Variants in PDE1A observed in about 807,000 individuals in gnomAD.
PDE1A encodes the protein dual specificity calcium/calmodulin-dependent 3',5'-cyclic nucleotide phosphodiesterase 1A.
In PDE1A, 35 loss-of-function variants were observed where a neutral mutation model predicts 61.7. That is an observed-to-expected ratio of 0.57 (90% CI 0.43 to 0.75). PDE1A has a LOEUF of 0.75. Among genes scored for constraint, PDE1A ranks in the 30% least tolerant of loss-of-function variants. PDE1A has a pLI of 0.00. For synonymous variants in PDE1A, 232 were observed against 213.2 expected, an observed-to-expected ratio of 1.09 and a Z score of -0.77; for missense variants, 597 against 630.6, an observed-to-expected ratio of 0.95 and a Z score of 0.57.
chr2:182,155,604 T>G (rs1291718347), intron 13 of PDE1A, among the ~76,000 whole-genome samples: 1 of 152,124 alleles, frequency 6.6e-6, no homozygotes, highest in East Asian at 1.9e-4. Context: ...AAGCCCCACA[T>G]GTCAGCCAGG....
the PDE1A span, among the ~76,000 whole-genome samples, chr2:182,590,626 A>G: frequency 6.6e-6 from 1 of 152,194 alleles, no homozygotes; most frequent in Admixed American, 6.5e-5. Context: ...GACTTTACCA[A>G]ACATTCACCA....
In PDE1A at chr2:182,458,604, G is replaced by A. The variant is rs1379910656; in HGVS notation, c.101+63672C>T. The stretch of plus-strand genomic sequence containing the variant: ...AAAGAGGGTTCATTTGAGTGTAATC[G>A]AGAAAACTAAAGCTCAGAGATGATT... On this transcript the variant is annotated intron_variant, in intron 2 of 14. Coordinates refer to the PDE1A transcript ENST00000410103. Among the ~76,000 whole-genome samples, 5 of 152,066 alleles carry A rather than the reference G, an allele frequency of 3.3e-5. No individual in the cohort carries two copies. In the South Asian group the frequency reaches 8.3e-4, roughly 25 times the overall value.
chr2:182,350,229 A>C (rs1010230150), intron 1 of PDE1A, among the ~76,000 whole-genome samples: 1 of 152,158 alleles, frequency 6.6e-6, no homozygotes, highest in African/African-American at 2.4e-5. Context: ...AGATTAATGT[A>C]TCTTGTTGTT....
chr2:182,366,001 C>T (rs1410022138), intron 1 of PDE1A, among the ~76,000 whole-genome samples: 1 of 151,992 alleles, frequency 6.6e-6, no homozygotes, highest in Non-Finnish European at 1.5e-5. Flanking sequence ...AGGAATTTGC[C>T]TCCTGAGTAC....
chr2:182,279,302 T>C (rs2125844870), intron 1 of PDE1A, among the ~76,000 whole-genome samples: 1 of 151,970 alleles, frequency 6.6e-6, no homozygotes, highest in Admixed American at 6.6e-5. Flanking sequence ...GTACAGAAAC[T>C]CCCAAAGCAT....
At chr2:182,537,834 G>A in the PDE1A span, among the ~76,000 whole-genome samples, 4 of 152,050 alleles carry the variant, frequency 2.6e-5, no homozygotes, top group Non-Finnish European at 2.9e-5. Context: ...GTGGATGGGA[G>A]AAGTCATGTC....
chr2:182,714,330 G>C, the PDE1A span, among the ~76,000 whole-genome samples: 11 of 152,152 alleles, frequency 7.2e-5, no homozygotes, highest in East Asian at 2.1e-3. Context: ...TTCTTTGGGT[G>C]ATCTGATGAT....
chr2:182,496,855 C>T (rs966717672), intron 2 of PDE1A, among the ~76,000 whole-genome samples: 1 of 152,176 alleles, frequency 6.6e-6, no homozygotes. Flanking sequence ...TGACTTCCGG[C>T]TCCTATAGAC....
chr2:182,555,712 T>A, the PDE1A span, among the ~76,000 whole-genome samples: 2 of 152,072 alleles, frequency 1.3e-5, no homozygotes, highest in Admixed American at 6.5e-5. Flanking sequence ...ACGCCTATAA[T>A]ACCAGCACTT....
chr2:182,716,199 G>C, the PDE1A span: 1 of 152,316 alleles, frequency 6.6e-6, no homozygotes, highest in East Asian at 1.9e-4. Context: ...GCCCGCAGCG[G>C]GTCTCCCCAG....
chr2:182,336,375 C>T (rs2124999654), intron 1 of PDE1A, among the ~76,000 whole-genome samples: 1 of 152,210 alleles, frequency 6.6e-6, no homozygotes, highest in South Asian at 2.1e-4. Flanking sequence ...ACCCAAATGC[C>T]CATCAATTTT....
At chr2:182,411,252 A>T (rs1352091234) in intron 1 of PDE1A, among the ~76,000 whole-genome samples, 2 of 152,126 alleles carry the variant, frequency 1.3e-5, no homozygotes, top group Non-Finnish European at 2.9e-5. Context: ...GCTGAAACCT[A>T]AAAAAATGGA....
the PDE1A span, among the ~76,000 whole-genome samples, chr2:182,554,870 C>T: frequency 1.3e-5 from 2 of 152,094 alleles, no homozygotes; most frequent in Non-Finnish European, 2.9e-5. Context: ...TCAGTATTTC[C>T]TTAGCTGTAA....
chr2:182,322,260 T>C (rs539710102), intron 1 of PDE1A, among the ~76,000 whole-genome samples: 2 of 152,292 alleles, frequency 1.3e-5, no homozygotes, highest in African/African-American at 4.8e-5. Context: ...ACTTCATAGA[T>C]TCCAGACTAT....
intron 2 of PDE1A, among the ~76,000 whole-genome samples, chr2:182,433,794 T>A (rs147149442): frequency 6.6e-6 from 1 of 152,070 alleles, no homozygotes; most frequent in East Asian, 1.9e-4. Flanking sequence ...ACCCTGACCT[T>A]TGGCTCATTC....
the PDE1A span, among the ~76,000 whole-genome samples, chr2:182,555,695 G>A: frequency 6.6e-6 from 1 of 152,008 alleles, no homozygotes; most frequent in African/African-American, 2.4e-5. Flanking sequence ...GCTGGGCGTG[G>A]TGGGTCACGC....
chr2:182,378,191 G>GAAAAA (rs1336119991), intron 1 of PDE1A, among the ~76,000 whole-genome samples: 9 of 152,116 alleles, frequency 5.9e-5, no homozygotes, highest in Non-Finnish European at 8.8e-5. Flanking sequence ...AAAACAACAT[G>GAAAAA]AATTATCTCA....
chr2:182,341,242 C>G (rs1698163896), intron 1 of PDE1A, among the ~76,000 whole-genome samples: 1 of 152,112 alleles, frequency 6.6e-6, no homozygotes, highest in African/African-American at 2.4e-5. Flanking sequence ...ATTTGGGATC[C>G]TATCTAAATT....
chr2:182,547,099 AT>A, the PDE1A span, among the ~76,000 whole-genome samples: 1 of 152,228 alleles, frequency 6.6e-6, no homozygotes, highest in Admixed American at 6.5e-5. Context: ...TATATTAGTG[AT>A]TATTAGGGGT....
Sources: gnomAD v4.1 joint callset for allele counts (sites outside exome capture counted in the v4.1 genomes callset) on GRCh38, gnomAD v4.1.1 for gene constraint, MANE v1.5 for transcripts, NCBI Gene and HGNC (gene_info 2026-07-23, HGNC 2026-07-21) for gene names.